The following FHL1 variants were observed in gnomAD, a reference collection of about 807,000 sequenced individuals.
The protein encoded by FHL1 is four and a half LIM domains protein 1.
FHL1 carries 1 observed loss-of-function variant against 20.3 expected under a neutral mutation model. That is an observed-to-expected ratio of 0.05 (90% CI 0.02 to 0.23). FHL1 has a LOEUF of 0.23. Ranked by LOEUF, FHL1 falls within the 10% of genes least tolerant of loss-of-function variation. FHL1 has a pLI of 1.00. For missense variants in FHL1, 177 were observed against 234.0 expected (o/e 0.76, Z 1.59); for synonymous variants, 82 against 88.9 (o/e 0.92, Z 0.44).
chrX:136,157,064 G>T (rs1211804058), intron 1 of FHL1, among the ~76,000 whole-genome samples: 4 of 111,266 alleles, frequency 3.6e-5, no homozygotes. Flanking sequence ...ATATCACTAA[G>T]CCAGAGCAGT....
chrX:136,174,138 A>G (rs1031914679), intron 2 of FHL1, among the ~76,000 whole-genome samples: 2 of 111,626 alleles, frequency 1.8e-5, no homozygotes, highest in Admixed American at 1.9e-4. Flanking sequence ...TGAGTTTTCA[A>G]TCCCAGGTCT....
At chrX:136,206,619 G>A in intron 2 of FHL1, 31 bp downstream of exon 2, 1 of 1,208,530 alleles carries the variant, frequency 8.3e-7, no homozygotes, top group African/African-American at 1.7e-5. Context: ...CCAATGGGAA[G>A]GGCTGGGTTT....
At chrX:136,166,674 GGTGA>G (rs1257889193), upstream of FHL1, among the ~76,000 whole-genome samples, 10 of 111,967 alleles carry the variant, frequency 8.9e-5, no homozygotes, top group South Asian at 3.7e-4. Flanking sequence ...ATTCCAGAAG[GGTGA>G]GTAAGATGAA....
At chrX:136,166,067 G>A (rs778816340), upstream of FHL1, among the ~76,000 whole-genome samples, 2 of 111,981 alleles carry the variant, frequency 1.8e-5, no homozygotes, top group African/African-American at 6.5e-5. Context: ...CTTGCACAAT[G>A]TTGTCAACGT....
chrX:136,185,784 A>G (rs1263623834), intron 2 of FHL1, among the ~76,000 whole-genome samples: 1 of 112,243 alleles, frequency 8.9e-6, no homozygotes, highest in Non-Finnish European at 1.9e-5. Context: ...CAGAGTTGAA[A>G]AATCCATGAC....
chrX:136,171,148 T>C (rs926223576), intron 2 of FHL1, among the ~76,000 whole-genome samples: 1 of 111,641 alleles, frequency 9.0e-6, no homozygotes, highest in African/African-American at 3.3e-5. Flanking sequence ...ATACAAGCTT[T>C]CAGCAGCTTC....
chrX:136,202,020 A>G (rs1394228955), intron 1 of FHL1, among the ~76,000 whole-genome samples: 1 of 112,274 alleles, frequency 8.9e-6, no homozygotes, highest in African/African-American at 3.2e-5. Context: ...CCTAAGAAAT[A>G]AATGCCTAAG....
At chrX:136,151,290 G>C (rs111569469) in intron 1 of FHL1, among the ~76,000 whole-genome samples, 3 of 52,061 alleles carry the variant, frequency 5.8e-5, no homozygotes, top group Non-Finnish European at 1.7e-4. Context: ...CTGAAATGTC[G>C]ATATGCCGAG....
rs113620195 is a variant in FHL1, at chrX:136,206,403, G to A, written c.23-4G>A. The A allele has an allele frequency of 5.8e-6, 7 of 1,211,662 alleles. No individual in the cohort carries two copies. Among genetic ancestry groups the A allele is most frequent in the African/African-American group, 1.7e-5 (1 of 57,775 alleles). On this transcript the variant is annotated splice_region_variant and splice_polypyrimidine_tract_variant and intron_variant, in intron 1 of 5. Transcript: ENST00000370683. Reference sequence around the variant, plus strand: ...TCATTTGTCCTGTCTGCTTGCCCCCGCAGGTCCCTCCAGCTACAAGGTGGG... The same window carrying A: ...TCATTTGTCCTGTCTGCTTGCCCCCACAGGTCCCTCCAGCTACAAGGTGGG...
At chrX:136,201,608 C>T (rs569237466) in intron 1 of FHL1, among the ~76,000 whole-genome samples, 1 of 111,004 alleles carries the variant, frequency 9.0e-6, no homozygotes, top group African/African-American at 3.3e-5. Flanking sequence ...TTCCTTGGTG[C>T]CAGCTGCAAC....
intron 5 of FHL1, 37 bp downstream of exon 5, chrX:136,208,678 G>A: frequency 4.3e-6 from 5 of 1,156,354 alleles, no homozygotes; most frequent in Non-Finnish European, 5.9e-6. Context: ...TGCCAGGCTA[G>A]GTTTTGCGCA....
upstream of FHL1, among the ~76,000 whole-genome samples, chrX:136,167,355 G>A (rs1194848549): frequency 9.1e-6 from 1 of 109,985 alleles, no homozygotes; most frequent in African/African-American, 3.3e-5. Flanking sequence ...ACAGACACAC[G>A]CCACCACGCC....
intron 2 of FHL1, among the ~76,000 whole-genome samples, chrX:136,183,155 G>A (rs975971321): frequency 9.1e-6 from 1 of 110,342 alleles, no homozygotes. Context: ...ATTTTGGGCA[G>A]AGATTAGTTG....
At chrX:136,207,367 G>A (rs1316889622) in intron 3 of FHL1, 177 bp downstream of exon 3, 10 of 464,271 alleles carry the variant, frequency 2.2e-5, no homozygotes, top group Non-Finnish European at 3.7e-5. Context: ...TCGCACACAC[G>A]CACACACTCG....
intron 1 of FHL1, among the ~76,000 whole-genome samples, chrX:136,164,549 T>C (rs1039805523): frequency 1.8e-5 from 2 of 111,616 alleles, no homozygotes; most frequent in South Asian, 3.8e-4. Flanking sequence ...AAAATAAATA[T>C]ATTTGTCCCT....
At chrX:136,165,323 C>A (rs1237720194), upstream of FHL1, among the ~76,000 whole-genome samples, 1 of 111,955 alleles carries the variant, frequency 8.9e-6, no homozygotes, top group Non-Finnish European at 1.9e-5. Context: ...TTTACCAGTT[C>A]TTTTGTTAAA....
chrX:136,208,581 G>A lies in FHL1; in HGVS notation c.676G>A (p.Val226Met), dbSNP rs1238461729. Residue 226 changes from valine to methionine, a missense_variant, in exon 5 of 6, where the codon GTG (valine) becomes ATG (methionine). Physicochemically the swap from Val to Met is conservative, Grantham distance 21 (BLOSUM62 1). Coordinates refer to ENST00000370683, the MANE Select transcript of FHL1 (RefSeq NM_001159699.2). ...FTAVEDQYYCVDCYKNFVAKK... is the reference protein window; with the variant it reads ...FTAVEDQYYCMDCYKNFVAKK... The stretch of plus-strand genomic sequence containing the variant: ...CGCTGTGGAGGACCAGTATTACTGC[G>A]TGGATTGCTACAAGAACTTTGTGGC... The A allele has an allele frequency of 3.3e-6, 4 of 1,211,634 alleles. No homozygotes were observed. Among genetic ancestry groups the A allele is most frequent in the Non-Finnish European group, 3.4e-6 (3 of 895,412 alleles).
intron 2 of FHL1, among the ~76,000 whole-genome samples, chrX:136,191,261 C>A (rs2073424737): frequency 1.8e-5 from 2 of 111,487 alleles, no homozygotes; most frequent in Non-Finnish European, 3.8e-5. Context: ...TGTGGTTACT[C>A]CTGCATTGAA....
Position 136,210,078 on chromosome X carries a change from T to G in FHL1, c.*53T>G. 1 of 1,201,211 alleles carries G rather than the reference T, an allele frequency of 8.3e-7. No homozygotes were observed. The highest frequency in any genetic ancestry group is 1.1e-6 in the Non-Finnish European group (1 of 886,105). ...TGGCATTTGAATCTCGTTCTTTGTGTCCTTACTTTCTGCCCTATACCATCA... is the reference window on the plus strand; with the variant it reads ...TGGCATTTGAATCTCGTTCTTTGTGGCCTTACTTTCTGCCCTATACCATCA... On this transcript the variant is annotated 3_prime_UTR_variant, in exon 6 of 6. Transcript: ENST00000370683.
Sources: gnomAD v4.1 joint callset for allele counts (sites outside exome capture counted in the v4.1 genomes callset) on GRCh38, gnomAD v4.1.1 for gene constraint, MANE v1.5 for transcripts, NCBI Gene and HGNC (gene_info 2026-07-23, HGNC 2026-07-21) for gene names.